The following SORCS1 variants were observed in gnomAD, a reference collection of about 807,000 sequenced individuals.
The protein encoded by SORCS1 is sortilin related VPS10 domain containing receptor 1, also known as VPS10 domain-containing receptor SorCS1.
In SORCS1, 60 loss-of-function variants were observed where a neutral mutation model predicts 146.1. The observed-to-expected ratio is 0.41, with a 90% confidence interval of 0.33 to 0.51. The LOEUF is 0.51. Ranked by LOEUF, SORCS1 falls within the 20% of genes least tolerant of loss-of-function variation. The pLI is 0.21. For missense variants in SORCS1, 1,352 were observed against 1,487.6 expected (o/e 0.91, Z 1.50); for synonymous variants, 637 against 584.0 (o/e 1.09, Z -1.31).
chr10:106,800,692 T>TTTTG (rs915753438), intron 3 of SORCS1, among the ~76,000 whole-genome samples: 4 of 151,872 alleles, frequency 2.6e-5, no homozygotes, highest in African/African-American at 4.8e-5. Context: ...CAGCTAATTT[T>TTTTG]TTTGTTTGTT....
At chr10:106,929,290 C>A (rs1953263059) in intron 2 of SORCS1, among the ~76,000 whole-genome samples, 1 of 152,046 alleles carries the variant, frequency 6.6e-6, no homozygotes, top group Non-Finnish European at 1.5e-5. Flanking sequence ...ATCTTCTTTC[C>A]ACTATACATT....
intron 1 of SORCS1, among the ~76,000 whole-genome samples, chr10:107,127,873 A>T (rs112511472): frequency 1.4e-3 from 206 of 152,300 alleles, no homozygotes; most frequent in African/African-American, 4.7e-3. Flanking sequence ...TGGCTTTAAA[A>T]CTTATCTCTT....
intron 1 of SORCS1, among the ~76,000 whole-genome samples, chr10:107,070,567 A>G (rs2134176659): frequency 6.6e-6 from 1 of 152,356 alleles, no homozygotes; most frequent in East Asian, 1.9e-4. Flanking sequence ...TGGTGGCTAC[A>G]AAATCAGAGT....
chr10:107,111,926 C>T (rs900946435), intron 1 of SORCS1, among the ~76,000 whole-genome samples: 6 of 152,208 alleles, frequency 3.9e-5, no homozygotes, highest in Middle Eastern at 3.4e-3. Context: ...GTAATATATT[C>T]AAAATGTCAA....
At chr10:107,017,499 C>G (rs1375620406) in intron 1 of SORCS1, among the ~76,000 whole-genome samples, 1 of 152,148 alleles carries the variant, frequency 6.6e-6, no homozygotes, top group East Asian at 1.9e-4. Flanking sequence ...TTAGCTTTGA[C>G]AGAAAAGGCA....
chr10:106,795,719 G>A (rs916160103), intron 3 of SORCS1, among the ~76,000 whole-genome samples: 3 of 152,194 alleles, frequency 2.0e-5, no homozygotes, highest in Non-Finnish European at 4.4e-5. Flanking sequence ...CCAGTATAAT[G>A]AAGGAAATTT....
At chr10:106,724,581 A>T (rs949598292) in intron 6 of SORCS1, among the ~76,000 whole-genome samples, 4 of 152,150 alleles carry the variant, frequency 2.6e-5, no homozygotes, top group African/African-American at 9.6e-5. Flanking sequence ...TCATGTAAAA[A>T]ACTAAAGCTT....
chr10:107,167,339 C>T (rs1293589016), upstream of SORCS1, among the ~76,000 whole-genome samples: 1 of 152,138 alleles, frequency 6.6e-6, no homozygotes, highest in Non-Finnish European at 1.5e-5. Context: ...TCCAACAACC[C>T]ACTAAGCAAT....
intron 2 of SORCS1, among the ~76,000 whole-genome samples, chr10:106,881,279 C>G (rs1950797722): frequency 6.6e-6 from 1 of 152,096 alleles, no homozygotes. Flanking sequence ...GTTTTAGTGT[C>G]TTCCTCTGCA....
chr10:106,974,673 C>G (rs1180751523), intron 1 of SORCS1, among the ~76,000 whole-genome samples: 1 of 152,194 alleles, frequency 6.6e-6, no homozygotes, highest in Non-Finnish European at 1.5e-5. Context: ...CTTATCAGCC[C>G]TGCTAATTAC....
chr10:106,718,407 C>G (rs897080500), intron 6 of SORCS1, among the ~76,000 whole-genome samples: 2 of 152,174 alleles, frequency 1.3e-5, no homozygotes, highest in Non-Finnish European at 2.9e-5. Flanking sequence ...TGTTACAGTT[C>G]TTAAAGATGG....
Position 107,164,220 on chromosome 10 carries a change from C to G in SORCS1, c.307G>C (p.Ala103Pro). ...RGTGASMAVAARSGRRRRSGA... is the reference protein window; with the variant it reads ...RGTGASMAVAPRSGRRRRSGA... ...CTCCGTCTCCTCCGGCCGGAGCGTG[C>G]AGCAACCGCCATGGATGCCCCAGTG... Residue 103 changes from alanine to proline, a missense_variant, in exon 1 of 26, where the codon GCA becomes CCA. By Grantham distance (27) the Ala-to-Pro change is conservative. Around this residue, in one of 3 missense-constraint regions of SORCS1, gnomAD observed 490 missense variants for 489.1 expected, o/e 1.00. Coordinates refer to ENST00000263054, the MANE Select transcript of SORCS1 (RefSeq NM_052918.5). The surrounding 1 kb of genome is among the most constrained non-coding windows in gnomAD (Gnocchi z 6.8). 6.2e-7 allele frequency: 1 copy of G among 1,607,792 alleles called. No homozygotes were observed. Among genetic ancestry groups the G allele is most frequent in the South Asian group, 1.1e-5 (1 of 91,052 alleles).
Position 106,741,427 on chromosome 10 carries a change from C to T in SORCS1, c.960-11313G>A, listed in dbSNP as rs190752691. ...CAGCCTAGCCAACATGGTGAAACCC[C>T]GTTTCTACTAAAAATACAAAAATTA... On this transcript the variant is annotated intron_variant, in intron 5 of 25. Coordinates refer to ENST00000263054, the MANE Select transcript of SORCS1 (RefSeq NM_052918.5). Among the ~76,000 whole-genome samples, 31 of 152,060 alleles carry T rather than the reference C, an allele frequency of 2.0e-4. No individual in the cohort carries two copies. In the East Asian group the frequency reaches 5.0e-3, roughly 25 times the overall value.
chr10:107,048,917 A>G (rs1476975291), intron 1 of SORCS1, among the ~76,000 whole-genome samples: 1 of 152,170 alleles, frequency 6.6e-6, no homozygotes, highest in Admixed American at 6.5e-5. Context: ...ACTCTTTAAA[A>G]GGAGAATAGC....
At position 106,679,352 on chromosome 10, in the gene SORCS1, A is replaced by G. The variant is rs1852266397; in HGVS notation, c.1664-20T>C. 10 of 1,585,270 alleles carry G rather than the reference A, an allele frequency of 6.3e-6. No individual in the cohort carries two copies. The highest frequency in any genetic ancestry group is 8.6e-6 in the Non-Finnish European group (10 of 1,159,050). On this transcript the variant is annotated intron_variant, in intron 11 of 25. Transcript: ENST00000263054. ...TATTACCTAGAAAGAGAAAGGTGCC[A>G]TTAGTGAAAAGAACTTTCTGCAAAA...
chr10:106,880,932 CA>C (rs1248792404), intron 2 of SORCS1, among the ~76,000 whole-genome samples: 1 of 151,248 alleles, frequency 6.6e-6, no homozygotes, highest in Admixed American at 6.6e-5. Context: ...ACTAAAAATA[CA>C]AAAAAAATTA....
At chr10:106,761,334 T>A (rs1859093598) in intron 5 of SORCS1, among the ~76,000 whole-genome samples, 2 of 152,212 alleles carry the variant, frequency 1.3e-5, no homozygotes, top group Admixed American at 1.3e-4. Context: ...GCAATTCTCA[T>A]AAAGCCCCTG....
rs1253190911 is a variant in SORCS1 at position 106,960,838 on chromosome 10, G to A, written c.559-4258C>T. On this transcript the variant is annotated intron_variant, in intron 1 of 25. Transcript: ENST00000263054. This position sits in a 1 kb window ranked among gnomAD's most constrained non-coding sequence, Gnocchi z 4.4. ...TGCAGGAATGGGAGAGGGTCCAAGG[G>A]AGTGGGCAAGGGCTTCTTCTCCCAC... Among the ~76,000 whole-genome samples the A allele has an allele frequency of 6.6e-6, 1 of 152,124 alleles. No individual in the cohort carries two copies. Among genetic ancestry groups the A allele is most frequent in the East Asian group, 1.9e-4 (1 of 5,190 alleles).
intron 23 of SORCS1, chr10:106,600,820 A>G: frequency 5.0e-6 from 3 of 600,536 alleles, no homozygotes; most frequent in Non-Finnish European, 6.3e-6. Flanking sequence ...CTCCATTAAA[A>G]ATATTTTCCT....
Sources: allele counts gnomAD v4.1 joint callset (sites outside exome capture counted in the v4.1 genomes callset), GRCh38; gene constraint gnomAD v4.1.1; regional missense constraint gnomAD v4.1.1; non-coding constraint Gnocchi (gnomAD v3.1); transcripts MANE v1.5; gene names NCBI Gene and HGNC (gene_info 2026-07-23, HGNC 2026-07-21).